Variants in ALOX5AP observed in about 807,000 individuals in gnomAD.
The protein encoded by ALOX5AP is arachidonate 5-lipoxygenase activating protein, also known as arachidonate 5-lipoxygenase-activating protein.
In ALOX5AP, 9 loss-of-function variants were observed where a neutral mutation model predicts 18.5. The observed-to-expected ratio is 0.49, with a 90% CI of 0.29 to 0.85. The LOEUF (loss-of-function observed/expected upper bound fraction) is 0.85. Among genes scored for constraint, ALOX5AP ranks in the 40% least tolerant of loss-of-function variants. The pLI is 0.08. For missense variants in ALOX5AP, 172 were observed against 202.5 expected (o/e 0.85, Z 0.91); for synonymous variants, 81 against 78.6 (o/e 1.03, Z -0.16).
At chr13:30,751,821 G>A (rs965688017) in intron 2 of ALOX5AP, among the ~76,000 whole-genome samples, 10 of 152,192 alleles carry the variant, frequency 6.6e-5, no homozygotes, top group Non-Finnish European at 1.3e-4. Flanking sequence ...ACGCATCACC[G>A]TAGGAACAGA....
chr13:30,764,159 A>G lies in ALOX5AP; in HGVS notation c.*53A>G. The G allele has an allele frequency of 6.4e-7, 1 of 1,553,934 alleles. No homozygotes were observed. Among genetic ancestry groups the G allele is most frequent in the Non-Finnish European group, 8.7e-7 (1 of 1,143,502 alleles). On this transcript the variant is annotated 3_prime_UTR_variant, in exon 5 of 5. Transcript: ENST00000380490. ...CTCATCTAATCAATACCTACAAGTC[A>G]TCATAATTCAGCTCTTGAGAGCATT...
intron 1 of ALOX5AP, among the ~76,000 whole-genome samples, chr13:30,722,617 G>C (rs542214422): frequency 1.3e-5 from 2 of 152,080 alleles, no homozygotes; most frequent in Non-Finnish European, 2.9e-5. Flanking sequence ...TCCTCTTTAG[G>C]ATCTGGGCCC....
intron 1 of ALOX5AP, among the ~76,000 whole-genome samples, chr13:30,726,779 A>G (rs77402764): frequency 1.3e-5 from 2 of 151,488 alleles, no homozygotes; most frequent in Non-Finnish European, 2.9e-5. Flanking sequence ...TGATTCTACC[A>G]TTTAGTCCTC....
rs950929471 is a variant in ALOX5AP at position 30,755,832 on chromosome 13, A to C, written c.242-112A>C. On this transcript the variant is annotated intron_variant, in intron 3 of 4. Transcript: ENST00000380490. ...TCTAGCCCTTGGGCTCTTTTCCTGA[A>C]GTGCGTGTGTCTTCTGCTAGATTTT... 1.9e-4 allele frequency: 192 copies of C among 1,002,328 alleles called. No homozygotes were observed. In the Admixed American group the frequency reaches 3.7e-3, roughly 19 times the overall value. The allele number at this position is 1,002,328 out of a possible 1,614,324, so 62.1% of individuals were successfully genotyped here. A position where few individuals can be genotyped will look rare whatever the true frequency, so the allele number is the denominator to read the frequency against.
At chr13:30,725,094 A>G (rs768154505) in intron 1 of ALOX5AP, among the ~76,000 whole-genome samples, 2 of 152,244 alleles carry the variant, frequency 1.3e-5, no homozygotes, top group South Asian at 2.1e-4. Context: ...AGTGAGCAGA[A>G]CTTGGAGCAA....
chr13:30,714,942 A>T (rs970630784), intron 1 of ALOX5AP, among the ~76,000 whole-genome samples: 2 of 152,120 alleles, frequency 1.3e-5, no homozygotes, highest in African/African-American at 2.4e-5. Flanking sequence ...CAAGGTTCTG[A>T]GAATCTATCC....
intron 2 of ALOX5AP, among the ~76,000 whole-genome samples, chr13:30,751,554 GC>G (rs1951851781): frequency 6.6e-6 from 1 of 152,226 alleles, no homozygotes; most frequent in East Asian, 1.9e-4. Flanking sequence ...CTGAGCACCA[GC>G]TTTTTTGAGT....
intron 1 of ALOX5AP, among the ~76,000 whole-genome samples, chr13:30,736,522 A>T (rs1951723201): frequency 6.6e-6 from 1 of 152,210 alleles, no homozygotes; most frequent in Admixed American, 6.5e-5. Flanking sequence ...AAGAGTAATT[A>T]CTAAGGGCAG....
At chr13:30,722,418 ATT>A (rs201411242) in intron 1 of ALOX5AP, among the ~76,000 whole-genome samples, 1 of 151,458 alleles carries the variant, frequency 6.6e-6, no homozygotes, top group Non-Finnish European at 1.5e-5. Context: ...TTGCTATTTT[ATT>A]TTTTTTTGTT....
chr13:30,733,105 G>A (rs986432772), upstream of ALOX5AP, among the ~76,000 whole-genome samples: 2 of 149,354 alleles, frequency 1.3e-5, no homozygotes, highest in Admixed American at 1.3e-4. Flanking sequence ...CTTGCAGTGA[G>A]CTGAGATCGC....
upstream of ALOX5AP, among the ~76,000 whole-genome samples, chr13:30,733,048 A>G (rs1476411841): frequency 6.6e-6 from 1 of 151,758 alleles, no homozygotes; most frequent in Non-Finnish European, 1.5e-5. Flanking sequence ...AGTCCCAGCT[A>G]CTGAGGAGGC....
At chr13:30,723,905 T>A (rs1951615675) in intron 1 of ALOX5AP, among the ~76,000 whole-genome samples, 1 of 152,154 alleles carries the variant, frequency 6.6e-6, no homozygotes, top group African/African-American at 2.4e-5. Flanking sequence ...CAGCTAAACA[T>A]TTTTTTGAAA....
chr13:30,744,246 A>T (rs1951791001), intron 2 of ALOX5AP, 87 bp downstream of exon 2: 1 of 1,210,226 alleles, frequency 8.3e-7, no homozygotes, highest in Non-Finnish European at 1.2e-6. Flanking sequence ...TTAATACCAC[A>T]TGTCTGTCTG....
At chr13:30,718,050 C>T (rs1211391078) in intron 1 of ALOX5AP, among the ~76,000 whole-genome samples, 1 of 151,724 alleles carries the variant, frequency 6.6e-6, no homozygotes, top group African/African-American at 2.4e-5. Flanking sequence ...ACCTCCGCCT[C>T]CCAGGTTTAA....
At chr13:30,738,392 C>T (rs1263231648) in intron 1 of ALOX5AP, among the ~76,000 whole-genome samples, 3 of 152,220 alleles carry the variant, frequency 2.0e-5, no homozygotes, top group Non-Finnish European at 4.4e-5. Flanking sequence ...ACTATCAAAA[C>T]TTGGTTTCCC....
chr13:30,754,479 G>A (rs560745046), intron 3 of ALOX5AP, among the ~76,000 whole-genome samples: 4 of 152,244 alleles, frequency 2.6e-5, no homozygotes, highest in Admixed American at 6.5e-5. Context: ...CCTATGGTGA[G>A]TGAAATAATA....
intron 3 of ALOX5AP, among the ~76,000 whole-genome samples, chr13:30,754,498 G>A (rs1026550013): frequency 2.6e-5 from 4 of 152,094 alleles, no homozygotes; most frequent in African/African-American, 9.7e-5. Flanking sequence ...TATGTATAAA[G>A]CTCCTGACAC....
chr13:30,713,751 C>T, exon 1 of ALOX5AP: 3 of 1,535,290 alleles, frequency 2.0e-6, no homozygotes, highest in Non-Finnish European at 2.6e-6. Context: ...CACGATGCTC[C>T]CTGGCATACA....
chr13:30,719,813 A>T (rs1361020801), intron 1 of ALOX5AP, among the ~76,000 whole-genome samples: 1 of 152,110 alleles, frequency 6.6e-6, no homozygotes. Flanking sequence ...GCCTGAGAAC[A>T]GTAGGACTGT....
Sources: allele counts gnomAD v4.1 joint callset (sites outside exome capture counted in the v4.1 genomes callset), GRCh38; gene constraint gnomAD v4.1.1; transcripts MANE v1.5; gene names NCBI Gene and HGNC (gene_info 2026-07-23, HGNC 2026-07-21).